The following SCAP variants were observed in gnomAD, a reference collection of about 807,000 sequenced individuals.
SCAP encodes the protein sterol regulatory element-binding protein cleavage-activating protein.
In SCAP, 65 loss-of-function variants were observed where a neutral mutation model predicts 123.6. The ratio of observed to expected loss-of-function variants is 0.53; its 90% CI spans 0.43 to 0.65. SCAP has a LOEUF of 0.65. Ranked by LOEUF, SCAP falls within the 30% of genes least tolerant of loss-of-function variation. The pLI is 0.00. For missense variants in SCAP, 1,398 were observed against 1,712.5 expected (o/e 0.82, Z 3.24); for synonymous variants, 740 against 726.3 (o/e 1.02, Z -0.30).
At position 47,474,358 on chromosome 3, in the gene SCAP, A is replaced by G. The variant is rs187538914; in HGVS notation, c.-99+1441T>C. On this transcript the variant is annotated intron_variant, in intron 1 of 22. Transcript: ENST00000265565. The stretch of plus-strand genomic sequence containing the variant: ...AGCCTAATTCTTTCCATTTCAATTT[A>G]TGACCAAAAGAATAAATATGGAAAT... 4.3e-4 allele frequency among the ~76,000 whole-genome samples: 65 copies of G among 152,308 alleles called. 1 individual carries two copies. In the East Asian group the frequency reaches 0.011, roughly 25 times the overall value.
rs1705420430 is a variant in SCAP at position 47,413,800 on chromosome 3, C to T, written c.*54G>A. The T allele has an allele frequency of 5.1e-6, 8 of 1,573,844 alleles. No homozygotes were observed. The highest frequency in any genetic ancestry group is 6.9e-6 in the Non-Finnish European group (8 of 1,163,318). ...CTTTCCCCCAAGTCCAGGTTCAGTGCATTGGCCCCCACACAGCACCCCAGC... is the reference window on the plus strand; with the variant it reads ...CTTTCCCCCAAGTCCAGGTTCAGTGTATTGGCCCCCACACAGCACCCCAGC... On this transcript the variant is annotated 3_prime_UTR_variant, in exon 23 of 23. Coordinates refer to ENST00000265565, the MANE Select transcript of SCAP (RefSeq NM_012235.4).
intron 2 of SCAP, among the ~76,000 whole-genome samples, chr3:47,442,360 T>C (rs995906198): frequency 6.6e-6 from 1 of 152,138 alleles, no homozygotes; most frequent in African/African-American, 2.4e-5. Context: ...CCTTGGCAAG[T>C]GCAGCTGGCC....
rs200613937 is a variant in SCAP, at chr3:47,414,920, G to A, written c.3213C>T (p.Thr1071=). The change falls in exon 20 of 23, where the codon ACC becomes ACT. Residue 1071 remains threonine (T), a synonymous_variant. Transcript: ENST00000265565. ...TTTGGTGTGCACAGGGCACTGTGTGGGTCAGGTGACAGGCCACTGTGTCGC... is the reference window on the plus strand; with the variant it reads ...TTTGGTGTGCACAGGGCACTGTGTGAGTCAGGTGACAGGCCACTGTGTCGC... ...SSSDTVACHL[T]HTVPCAHQKP... is the part of the protein sequence containing the mutation. 1 of 1,612,776 alleles carries A rather than the reference G, an allele frequency of 6.2e-7. No homozygotes were observed. Among genetic ancestry groups the A allele is most frequent in the African/African-American group, 1.3e-5 (1 of 75,046 alleles).
At chr3:47,423,777 C>G (rs566605396) in intron 9 of SCAP, among the ~76,000 whole-genome samples, 156 bp downstream of exon 9, 3 of 152,354 alleles carry the variant, frequency 2.0e-5, no homozygotes, top group African/African-American at 7.2e-5. Context: ...CACTCAAGAG[C>G]TGCCAGGGCC....
chr3:47,441,772 C>A (rs945546621), intron 2 of SCAP, among the ~76,000 whole-genome samples: 4 of 152,044 alleles, frequency 2.6e-5, no homozygotes, highest in Non-Finnish European at 5.9e-5. Flanking sequence ...TAAGTCCCTA[C>A]CCCTCTTTGT....
At chr3:47,456,739 C>T (rs1056804081) in intron 1 of SCAP, among the ~76,000 whole-genome samples, 7 of 151,740 alleles carry the variant, frequency 4.6e-5, no homozygotes, top group South Asian at 2.1e-4. Flanking sequence ...CGTGTGAGAT[C>T]GTGCCACTGT....
At chr3:47,414,726 T>A in intron 20 of SCAP, 74 bp from the exon 21 acceptor site, 1 of 1,610,564 alleles carries the variant, frequency 6.2e-7, no homozygotes, top group South Asian at 1.1e-5. Flanking sequence ...AAATGCCCTC[T>A]GTTCTTCATC....
upstream of SCAP, among the ~76,000 whole-genome samples, chr3:47,476,502 A>G (rs1243753659): frequency 1.3e-5 from 2 of 152,230 alleles, no homozygotes; most frequent in Non-Finnish European, 2.9e-5. Context: ...ATACACTGCA[A>G]ATGCAGATGA....
chr3:47,444,555 A>C (rs1174376665), intron 1 of SCAP, among the ~76,000 whole-genome samples: 2 of 150,980 alleles, frequency 1.3e-5, no homozygotes, highest in African/African-American at 2.4e-5. Flanking sequence ...GCTCACTGCA[A>C]CCTCTGCCTC....
chr3:47,469,879 CAAG>C, intron 1 of SCAP: 1 of 533,266 alleles, frequency 1.9e-6, no homozygotes, highest in Admixed American at 2.1e-5. Context: ...CAGATTGGAA[CAAG>C]AAATTAGCCA....
In SCAP at chr3:47,417,729, C is replaced by T; in HGVS notation, c.2545G>A (p.Gly849Arg). Reference protein sequence around the residue: ...DGGKAGPEEPGDSPPLRHRPR... With the variant: ...DGGKAGPEEPRDSPPLRHRPR... ...CGGTGTCTCAGGGGAGGGCTGTCCC[C>T]AGGCTCCTCTGGACCAGCCTTCCCA... The change falls in exon 17 of 23, where the codon GGG becomes AGG. Residue 849 changes from glycine to arginine, a missense_variant. Gly to Arg is a moderately radical substitution (Grantham distance 125). This residue lies in a region of SCAP where 828 missense variants were observed against 882.5 expected (regional missense o/e 0.94). Transcript: ENST00000265565. 2 of 1,608,102 alleles carry T rather than the reference C, an allele frequency of 1.2e-6. No individual in the cohort carries two copies. Among genetic ancestry groups the T allele is most frequent in the South Asian group, 2.2e-5 (2 of 90,770 alleles).
chr3:47,450,340 C>G (rs1366801178), intron 1 of SCAP, among the ~76,000 whole-genome samples: 1 of 125,032 alleles, frequency 8.0e-6, no homozygotes, highest in African/African-American at 2.7e-5. Flanking sequence ...ATTTTTCTGT[C>G]AATCACATCA....
intron 9 of SCAP, 86 bp from the exon 10 acceptor site, chr3:47,422,622 G>A: frequency 1.8e-6 from 2 of 1,115,508 alleles, no homozygotes; most frequent in Non-Finnish European, 2.6e-6. Flanking sequence ...CGGAGTGGCA[G>A]AGGCATGGCA....
intron 16 of SCAP, 38 bp from the exon 17 acceptor site, chr3:47,417,864 G>GGGGGGGGGT: frequency 9.9e-7 from 1 of 1,008,728 alleles, no homozygotes; most frequent in African/African-American, 2.7e-5. Context: ...GGGGCACGGG[G>GGGGGGGGGT]GAGGGGGGTG....
intron 1 of SCAP, among the ~76,000 whole-genome samples, chr3:47,456,571 G>T (rs754850325): frequency 2.7e-4 from 41 of 151,236 alleles, no homozygotes; most frequent in Non-Finnish European, 5.0e-4. Context: ...TTTGAGACCA[G>T]TCTGACCAAT....
chr3:47,419,123 G>C lies in SCAP; in HGVS notation c.1940+205C>G, dbSNP rs943579098. On this transcript the variant is annotated intron_variant, in intron 13 of 22. Transcript: ENST00000265565. This position sits in a 1 kb window ranked among gnomAD's most constrained non-coding sequence, Gnocchi z 5.0. ...GTGGGTGGGTCTCATTCTGGTGAGG[G>C]CTGGCAGCCACCAGTGACTCCTCAG... is the stretch of plus-strand genomic sequence containing the variant. Among the ~76,000 whole-genome samples, 4 of 152,036 alleles carry C rather than the reference G, an allele frequency of 2.6e-5. No homozygotes were observed. The highest frequency in any genetic ancestry group is 4.4e-5 in the Non-Finnish European group (3 of 68,002).
rs1197800728 is a variant in SCAP, at chr3:47,446,626, T to G, written c.-98-3535A>C. On this transcript the variant is annotated intron_variant, in intron 1 of 22. Transcript: ENST00000265565. ...TTTCCCCAATGTCTTCTCCTAAAAATTTGTAGTTTCACATTTGTTTAAGTC... is the reference window on the plus strand; with the variant it reads ...TTTCCCCAATGTCTTCTCCTAAAAAGTTGTAGTTTCACATTTGTTTAAGTC... Among the ~76,000 whole-genome samples the G allele has an allele frequency of 3.3e-5, 5 of 152,128 alleles. 1 individual carries two copies. The highest frequency in any genetic ancestry group is 5.9e-5 in the Non-Finnish European group (4 of 68,020).
At chr3:47,429,727 C>A (rs1164231978) in intron 3 of SCAP, among the ~76,000 whole-genome samples, 1 of 152,186 alleles carries the variant, frequency 6.6e-6, no homozygotes, top group African/African-American at 2.4e-5. Context: ...CAGCCACACC[C>A]CTACCATTAC....
intron 1 of SCAP, among the ~76,000 whole-genome samples, chr3:47,462,692 G>T (rs1222547163): frequency 6.7e-6 from 1 of 148,548 alleles, no homozygotes; most frequent in Non-Finnish European, 1.5e-5. Flanking sequence ...GGCGGAGGTT[G>T]CAGTGAGCCA....
Sources: gnomAD v4.1 joint callset for allele counts (sites outside exome capture counted in the v4.1 genomes callset) on GRCh38, gnomAD v4.1.1 for gene constraint, gnomAD v4.1.1 regional missense constraint, Gnocchi (gnomAD v3.1) non-coding constraint, MANE v1.5 for transcripts, NCBI Gene and HGNC (gene_info 2026-07-23, HGNC 2026-07-21) for gene names.